The following PTCD3 variants were observed in gnomAD, a reference collection of about 807,000 sequenced individuals.
PTCD3 encodes the protein pentatricopeptide repeat domain 3.
PTCD3 carries 89 observed loss-of-function variants against 101.9 expected under a neutral mutation model. The ratio of observed to expected loss-of-function variants is 0.87; its 90% CI spans 0.74 to 1.04. The LOEUF (loss-of-function observed/expected upper bound fraction) is 1.04, where lower values mean the gene tolerates loss of function less well. Among genes scored for constraint, PTCD3 ranks in the 50% least tolerant of loss-of-function variants. The pLI is 0.00. For missense variants in PTCD3, 870 were observed against 828.2 expected, an observed-to-expected ratio of 1.05 and a Z score of -0.62; for synonymous variants, 296 against 278.5, an observed-to-expected ratio of 1.06 and a Z score of -0.63.
rs767914717 is a variant in PTCD3, at chr2:86,108,408, T to C, written c.157+6T>C. On this transcript the variant is annotated splice_donor_region_variant and intron_variant, in intron 2 of 23. Coordinates refer to ENST00000254630, the MANE Select transcript of PTCD3 (RefSeq NM_017952.6). Reference sequence around the variant, plus strand: ...TGAAGGAACTGATGTAACAGGTATATTTTAAAATATATTGAATTCTATTTT... The same window carrying C: ...TGAAGGAACTGATGTAACAGGTATACTTTAAAATATATTGAATTCTATTTT... The C allele has an allele frequency of 2.5e-6, 4 of 1,602,804 alleles. No individual in the cohort carries two copies. In the East Asian group the frequency reaches 8.9e-5, roughly 36 times the overall value.
chr2:86,124,913 C>T, intron 9 of PTCD3, 82 bp from the exon 10 acceptor site: 1 of 1,548,374 alleles, frequency 6.5e-7, no homozygotes, highest in Non-Finnish European at 8.7e-7. Context: ...TTGCCTAGAA[C>T]ATAATAAACC....
intron 12 of PTCD3, among the ~76,000 whole-genome samples, chr2:86,126,719 C>T (rs1202481609): frequency 6.6e-6 from 1 of 151,818 alleles, no homozygotes; most frequent in Non-Finnish European, 1.5e-5. Context: ...CGCCTGTAGT[C>T]GCAGCTACTC....
At chr2:86,107,608 A>G (rs1266067872) in intron 1 of PTCD3, among the ~76,000 whole-genome samples, 1 of 152,212 alleles carries the variant, frequency 6.6e-6, no homozygotes, top group East Asian at 1.9e-4. Flanking sequence ...TCATGGGCCA[A>G]TGATTCTATA....
rs1353435782 is a variant in PTCD3, at chr2:86,123,777, A to G, written c.716+15A>G. The G allele has an allele frequency of 2.5e-6, 4 of 1,577,216 alleles. No homozygotes were observed. The African/African-American group carries it at 5.4e-5, about 21-fold the overall frequency. ...GTTACATGGCGGTATGTCACACGTA[A>G]TTAGAACCTTGAATTACAGTGTCTT... is the stretch of plus-strand genomic sequence containing the variant. On this transcript the variant is annotated intron_variant, in intron 9 of 23. Transcript: ENST00000254630.
intron 4 of PTCD3, among the ~76,000 whole-genome samples, chr2:86,111,462 C>T (rs1302951626): frequency 2.6e-5 from 4 of 151,914 alleles, no homozygotes; most frequent in East Asian, 2.0e-4. Flanking sequence ...GTGGCAGGCA[C>T]CTGTAATCCC....
intron 1 of PTCD3, among the ~76,000 whole-genome samples, chr2:86,106,882 T>C (rs1372204433): frequency 6.6e-6 from 1 of 152,136 alleles, no homozygotes; most frequent in African/African-American, 2.4e-5. Context: ...TCTGTGTAAT[T>C]TTTTTTTCAC....
intron 18 of PTCD3, 23 bp downstream of exon 18, chr2:86,133,279 A>T (rs368973876): frequency 6.2e-7 from 1 of 1,613,946 alleles, no homozygotes; most frequent in Non-Finnish European, 8.5e-7. Context: ...ATTACTTGTT[A>T]TTTATCATTC....
At chr2:86,135,441 C>G (rs1674567944) in intron 21 of PTCD3, among the ~76,000 whole-genome samples, 1 of 152,172 alleles carries the variant, frequency 6.6e-6, no homozygotes, top group East Asian at 1.9e-4. Context: ...CTAAACTTGG[C>G]CTTGACCACA....
At chr2:86,125,189 T>C in intron 10 of PTCD3, 107 bp downstream of exon 10, 1 of 1,491,312 alleles carries the variant, frequency 6.7e-7, no homozygotes, top group East Asian at 2.4e-5. Context: ...GGGTCTGTCC[T>C]GTGCATTGTA....
At chr2:86,128,254 C>G (rs927784430) in intron 14 of PTCD3, among the ~76,000 whole-genome samples, 3 of 148,730 alleles carry the variant, frequency 2.0e-5, no homozygotes, top group African/African-American at 7.4e-5. Context: ...CACCAGCATG[C>G]CTAGCTGATT....
rs149177581 is a variant in PTCD3 at position 86,130,685 on chromosome 2, T to C, written c.1185T>C (p.Asp395=). 2.1e-5 allele frequency: 34 copies of C among 1,613,810 alleles called. No homozygotes were observed. In the African/African-American group the frequency reaches 4.0e-4, roughly 19 times the overall value. The change falls in exon 15 of 24, where the codon GAT becomes GAC. Residue 395 remains aspartate (D), a synonymous_variant. Transcript: ENST00000254630. The part of the protein sequence containing the change: ...PLKRSSFIIY[D]IMNELMGKRF... Reference sequence around the variant, plus strand: ...AGAGATCATCCTTCATCATTTATGATATAATGAATGAATTAATGGGAAAGA... The same window carrying C: ...AGAGATCATCCTTCATCATTTATGACATAATGAATGAATTAATGGGAAAGA...
intron 1 of PTCD3, among the ~76,000 whole-genome samples, chr2:86,107,594 TCA>T (rs1220934200): frequency 6.6e-6 from 1 of 152,232 alleles, no homozygotes; most frequent in African/African-American, 2.4e-5. Context: ...ACTTAAAAAC[TCA>T]GTCATGGGCC....
rs773407360 is a variant in PTCD3 at position 86,131,139 on chromosome 2, A to G, written c.1266+33A>G. On this transcript the variant is annotated intron_variant, in intron 16 of 23. Coordinates refer to ENST00000254630, the MANE Select transcript of PTCD3 (RefSeq NM_017952.6). ...TCATTTCTTTATTAATTTGCTATCC[A>G]TTTCCTAAATTTATCTGTAACTGGA... 19 of 1,524,500 alleles carry G rather than the reference A, an allele frequency of 1.2e-5. 1 individual carries two copies. In the South Asian group the frequency reaches 1.9e-4, roughly 15 times the overall value. The allele number at this position is 1,524,500 out of a possible 1,614,324, so 94.4% of individuals were successfully genotyped here.
At chr2:86,126,249 A>C (rs1674387851) in intron 12 of PTCD3, among the ~76,000 whole-genome samples, 1 of 150,910 alleles carries the variant, frequency 6.6e-6, no homozygotes, top group African/African-American at 2.4e-5. Flanking sequence ...AAAAAGAAAA[A>C]GAAACAGAAG....
rs1485977445 is a variant in PTCD3, at chr2:86,106,296, G to C, written c.49G>C (p.Gly17Arg). The change falls in exon 1 of 24, where the codon GGC becomes CGC. Residue 17 changes from glycine (G) to arginine (R), a missense_variant. Coordinates refer to ENST00000254630, the MANE Select transcript of PTCD3 (RefSeq NM_017952.6). The part of the protein sequence containing the change: ...VRWLGLRSRL[G>R]QPLTGRRAGL... The stretch of plus-strand genomic sequence containing the variant: ...CTGGCTGGGCCTCCGCAGCAGGCTT[G>C]GCCAGCCGCTGACGGGTCGGCGGGC... 1 of 1,613,540 alleles carries C rather than the reference G, an allele frequency of 6.2e-7. No homozygotes were observed. Among genetic ancestry groups the C allele is most frequent in the Non-Finnish European group, 8.5e-7 (1 of 1,179,956 alleles).
chr2:86,111,083 T>G, intron 3 of PTCD3, 30 bp from the exon 4 acceptor site: 22 of 1,600,878 alleles, frequency 1.4e-5, no homozygotes, highest in Non-Finnish European at 1.8e-5. Context: ...AGAGCCCTGA[T>G]GAGGATTAAC....
At chr2:86,136,959 C>T in intron 22 of PTCD3, 23 bp from the exon 23 acceptor site, 1 of 1,612,088 alleles carries the variant, frequency 6.2e-7, no homozygotes, top group Non-Finnish European at 8.5e-7. Flanking sequence ...GGAGAAAGTT[C>T]ACACTTTGCC....
Position 86,137,663 on chromosome 2 carries a change from T to C in PTCD3, c.*104T>C. On this transcript the variant is annotated 3_prime_UTR_variant, in exon 24 of 24. Coordinates refer to ENST00000254630, the MANE Select transcript of PTCD3 (RefSeq NM_017952.6). ...TAACATTGTTACAAAGAAGAAAAGA[T>C]ACAGATTTGGTGAATTTGTTACTGT... 6.6e-7 allele frequency: 1 copy of C among 1,519,288 alleles called. No individual in the cohort carries two copies. The highest frequency in any genetic ancestry group is 8.9e-7 in the Non-Finnish European group (1 of 1,127,260). The allele number at this position is 1,519,288 out of a possible 1,614,324, so 94.1% of individuals were successfully genotyped here.
intron 9 of PTCD3, among the ~76,000 whole-genome samples, chr2:86,124,169 A>G (rs543662057): frequency 6.6e-6 from 1 of 152,250 alleles, no homozygotes; most frequent in African/African-American, 2.4e-5. Flanking sequence ...ACATGTAGAC[A>G]TACACAGCAG....
Sources: allele counts gnomAD v4.1 joint callset (sites outside exome capture counted in the v4.1 genomes callset), GRCh38; gene constraint gnomAD v4.1.1; transcripts MANE v1.5; gene names NCBI Gene and HGNC (gene_info 2026-07-23, HGNC 2026-07-21).